PLCXD3: variants seen among roughly 807,000 people sequenced by gnomAD.
PLCXD3 encodes the protein PI-PLC X domain-containing protein 3.
PLCXD3 carries 19 observed loss-of-function variants against 25.5 expected under a neutral mutation model. The observed-to-expected ratio is 0.75, with a 90% CI of 0.52 to 1.09. PLCXD3 has a LOEUF of 1.09. PLCXD3 is among the 50% of genes least tolerant of loss of function. The pLI is 0.00. For synonymous variants in PLCXD3, 174 were observed against 137.6 expected, an observed-to-expected ratio of 1.26 and a Z score of -1.85; for missense variants, 411 against 388.1, an observed-to-expected ratio of 1.06 and a Z score of -0.50.
intron 1 of PLCXD3, among the ~76,000 whole-genome samples, chr5:41,482,476 G>A (rs1356099061): frequency 3.9e-5 from 6 of 152,094 alleles, no homozygotes; most frequent in Admixed American, 3.9e-4. Context: ...ACCCTTATCA[G>A]CAGGATACTT....
intron 1 of PLCXD3, among the ~76,000 whole-genome samples, chr5:41,497,396 A>G (rs548006617): frequency 4.0e-4 from 61 of 151,946 alleles, no homozygotes; most frequent in Non-Finnish European, 7.4e-4. Flanking sequence ...ATATCAGACA[A>G]AATAGATTTT....
rs70988847 is a variant in PLCXD3 at position 41,446,176 on chromosome 5, C to CAAAAAAAAAAAAAA, written c.104-63656_104-63643dup. Among the ~76,000 whole-genome samples the CAAAAAAAAAAAAAA allele has an allele frequency of 4.3e-3, 162 of 38,112 alleles. 15 individuals carry two copies. Among genetic ancestry groups the CAAAAAAAAAAAAAA allele is most frequent in the East Asian group, 1.0e-2 (6 of 602 alleles). 25.0% of individuals were successfully genotyped at this position (38,112 alleles called of 152,430 possible). ...TGGGCGACGGAGCCAGACTCCTTCT[C>CAAAAAAAAAAAAAA]AAAAAAAAAAAAAAAAAAAAAAAAA... On this transcript the variant is annotated intron_variant, in intron 1 of 2. Coordinates refer to ENST00000377801, the MANE Select transcript of PLCXD3 (RefSeq NM_001005473.3).
intron 1 of PLCXD3, among the ~76,000 whole-genome samples, chr5:41,465,166 CAT>C (rs1747984326): frequency 1.3e-5 from 2 of 151,794 alleles, no homozygotes; most frequent in African/African-American, 4.8e-5. Context: ...AAACGTATGA[CAT>C]GTTTTTCATT....
chr5:41,363,129 C>T (rs745875249), intron 2 of PLCXD3, among the ~76,000 whole-genome samples: 1 of 152,144 alleles, frequency 6.6e-6, no homozygotes, highest in Non-Finnish European at 1.5e-5. Context: ...TCCTGGCTTA[C>T]AGAGTTAGTC....
At chr5:41,366,042 G>A (rs1182283900) in intron 2 of PLCXD3, among the ~76,000 whole-genome samples, 3 of 151,716 alleles carry the variant, frequency 2.0e-5, no homozygotes, top group African/African-American at 4.8e-5. Context: ...TGCTGCACCC[G>A]TTAACTCGTC....
intron 2 of PLCXD3, among the ~76,000 whole-genome samples, chr5:41,372,362 A>G (rs1165350905): frequency 6.7e-6 from 1 of 150,166 alleles, no homozygotes; most frequent in Non-Finnish European, 1.5e-5. Context: ...GGCACTGAAT[A>G]GATATCTGAC....
chr5:41,417,767 CA>C (rs1183492570), intron 1 of PLCXD3, among the ~76,000 whole-genome samples: 1 of 152,158 alleles, frequency 6.6e-6, no homozygotes, highest in East Asian at 1.9e-4. Context: ...CCCAAGGAAC[CA>C]GGGATACCTG....
intron 2 of PLCXD3, among the ~76,000 whole-genome samples, chr5:41,378,210 ATAGGC>A (rs1163025781): frequency 1.3e-5 from 2 of 152,228 alleles, no homozygotes; most frequent in South Asian, 2.1e-4. Context: ...AGCTTTTCCT[ATAGGC>A]TCCATGCAGA....
chr5:41,338,947 A>C (rs1744058463), intron 2 of PLCXD3, among the ~76,000 whole-genome samples: 1 of 152,052 alleles, frequency 6.6e-6, no homozygotes, highest in African/African-American at 2.4e-5. Flanking sequence ...TTCCGCCCTC[A>C]TTCTGGTTCT....
At chr5:41,388,250 T>C (rs1745701645) in intron 1 of PLCXD3, among the ~76,000 whole-genome samples, 1 of 152,014 alleles carries the variant, frequency 6.6e-6, no homozygotes, top group African/African-American at 2.4e-5. Context: ...TCAACAGACA[T>C]TTACTGAGCA....
intron 1 of PLCXD3, among the ~76,000 whole-genome samples, chr5:41,453,915 C>T: frequency 6.6e-6 from 1 of 151,912 alleles, no homozygotes; most frequent in East Asian, 1.9e-4. Flanking sequence ...AAATAATGGC[C>T]ATGACTTTTA....
rs186220316 is a variant in PLCXD3, at chr5:41,358,693, T to C, written c.812+23133A>G. On this transcript the variant is annotated intron_variant, in intron 2 of 2. Coordinates refer to ENST00000377801, the MANE Select transcript of PLCXD3 (RefSeq NM_001005473.3). ...GCAGTTTGACTTCCTTTTTATTGAT[T>C]TGGATGTCCTTTATTTCTTTCTCTT... Among the ~76,000 whole-genome samples, 390 of 152,320 alleles carry C rather than the reference T, an allele frequency of 2.6e-3. 2 individuals are homozygous for C. The highest frequency in any genetic ancestry group is 7.9e-3 in the African/African-American group (330 of 41,562).
At chr5:41,408,965 C>G (rs531865094) in intron 1 of PLCXD3, among the ~76,000 whole-genome samples, 2 of 152,156 alleles carry the variant, frequency 1.3e-5, no homozygotes, top group Admixed American at 6.5e-5. Context: ...ACACTATTGC[C>G]TTGGCTATTT....
chr5:41,320,827 CAGAA>C (rs1279255077), intron 2 of PLCXD3, among the ~76,000 whole-genome samples: 1 of 152,172 alleles, frequency 6.6e-6, no homozygotes, highest in African/African-American at 2.4e-5. Flanking sequence ...ATCACATCAA[CAGAA>C]AGAAGAATGA....
At chr5:41,368,521 C>T (rs1195456376) in intron 2 of PLCXD3, among the ~76,000 whole-genome samples, 1 of 152,148 alleles carries the variant, frequency 6.6e-6, no homozygotes, top group Non-Finnish European at 1.5e-5. Context: ...TTCGTATACG[C>T]TTTATTTCTT....
chr5:41,406,073 C>A (rs1240185330), intron 1 of PLCXD3, among the ~76,000 whole-genome samples: 1 of 152,108 alleles, frequency 6.6e-6, no homozygotes, highest in Non-Finnish European at 1.5e-5. Flanking sequence ...TTTGATACAG[C>A]TATGCTTCCT....
chr5:41,475,201 C>T (rs1748253525), intron 1 of PLCXD3, among the ~76,000 whole-genome samples: 2 of 152,216 alleles, frequency 1.3e-5, no homozygotes, highest in Non-Finnish European at 2.9e-5. Context: ...AAAACTTCCC[C>T]TTCTTTGTAT....
At chr5:41,382,572 C>A (rs375494752) in intron 1 of PLCXD3, 38 bp from the exon 2 acceptor site, 43 of 1,478,934 alleles carry the variant, frequency 2.9e-5, no homozygotes, top group Non-Finnish European at 3.9e-5. Context: ...TTAATTTCCA[C>A]GTCTTTGCCC....
chr5:41,465,160 G>A (rs755899479), intron 1 of PLCXD3, among the ~76,000 whole-genome samples: 1 of 151,690 alleles, frequency 6.6e-6, no homozygotes, highest in South Asian at 2.1e-4. Context: ...CTTGCTAAAC[G>A]TATGACATGT....
Sources: allele counts gnomAD v4.1 joint callset (sites outside exome capture counted in the v4.1 genomes callset), GRCh38; gene constraint gnomAD v4.1.1; transcripts MANE v1.5; gene names NCBI Gene and HGNC (gene_info 2026-07-23, HGNC 2026-07-21).